SASH1: variants seen among roughly 807,000 people sequenced by gnomAD.
SASH1 encodes SAM and SH3 domain-containing protein 1.
SASH1 carries 44 observed loss-of-function variants against 125.2 expected under a neutral mutation model. The ratio of observed to expected loss-of-function variants is 0.35; its 90% CI spans 0.28 to 0.45. The LOEUF (loss-of-function observed/expected upper bound fraction) is 0.45, where lower values mean the gene tolerates loss of function less well. Among genes scored for constraint, SASH1 ranks in the 20% least tolerant of loss-of-function variants. SASH1 has a pLI of 1.00. For synonymous variants in SASH1, 639 were observed against 649.1 expected, an observed-to-expected ratio of 0.98 and a Z score of 0.24; for missense variants, 1,426 against 1,614.5, an observed-to-expected ratio of 0.88 and a Z score of 2.00.
chr6:148,259,014 TTA>T, the SASH1 span, among the ~76,000 whole-genome samples: 1 of 152,226 alleles, frequency 6.6e-6, no homozygotes, highest in Non-Finnish European at 1.5e-5. Flanking sequence ...CATTTCATGG[TTA>T]CCATGTTCCA....
chr6:148,254,298 A>G, the SASH1 span, among the ~76,000 whole-genome samples: 1 of 152,224 alleles, frequency 6.6e-6, no homozygotes, highest in African/African-American at 2.4e-5. Context: ...AACTGGAGCT[A>G]GAATATACAA....
chr6:148,195,595 C>G, the SASH1 span, among the ~76,000 whole-genome samples: 1 of 152,214 alleles, frequency 6.6e-6, no homozygotes, highest in Non-Finnish European at 1.5e-5. Flanking sequence ...TCTTTCACCC[C>G]GGCTCCAGCA....
chr6:148,390,317 C>CT (rs1420356628), intron 2 of SASH1, 55 bp downstream of exon 2: 1 of 1,564,644 alleles, frequency 6.4e-7, no homozygotes, highest in Non-Finnish European at 8.7e-7. Flanking sequence ...CCAATTTGGG[C>CT]TTTTCCTTGG....
the SASH1 span, among the ~76,000 whole-genome samples, chr6:148,228,092 TA>T: frequency 6.6e-6 from 1 of 152,194 alleles, no homozygotes. Flanking sequence ...CTCTAACCTC[TA>T]AACATACAAT....
chr6:148,410,303 G>A (rs951451645), intron 2 of SASH1, among the ~76,000 whole-genome samples: 1 of 151,676 alleles, frequency 6.6e-6, no homozygotes, highest in Non-Finnish European at 1.5e-5. Context: ...TAGAGACGGG[G>A]TTTCACCATG....
At chr6:148,513,068 T>C (rs1780240925) in intron 8 of SASH1, 1 of 985,340 alleles carries the variant, frequency 1.0e-6, no homozygotes. Context: ...GCCTAAATAA[T>C]GCATAGAAAC....
At chr6:148,481,338 G>A (rs917355449) in intron 7 of SASH1, among the ~76,000 whole-genome samples, 1 of 152,046 alleles carries the variant, frequency 6.6e-6, no homozygotes, top group Non-Finnish European at 1.5e-5. Flanking sequence ...CAGCAATAAG[G>A]CTGTTCCATT....
At chr6:148,361,908 CTTTTTCTTTTTT>C (rs1188632642) in intron 1 of SASH1, among the ~76,000 whole-genome samples, 4 of 135,008 alleles carry the variant, frequency 3.0e-5, no homozygotes, top group African/African-American at 5.7e-5. Flanking sequence ...TTTTCTTTTT[CTTTTTCTTTTTT>C]TTTTTTTTTT....
At chr6:148,321,743 C>G (rs76085626) in intron 1 of SASH1, among the ~76,000 whole-genome samples, 2 of 152,122 alleles carry the variant, frequency 1.3e-5, no homozygotes, top group Admixed American at 1.3e-4. Flanking sequence ...TGAAATCCAT[C>G]GAAGATGGTC....
At chr6:148,493,515 G>A (rs985382530) in intron 8 of SASH1, among the ~76,000 whole-genome samples, 3 of 152,150 alleles carry the variant, frequency 2.0e-5, no homozygotes, top group South Asian at 2.1e-4. Flanking sequence ...CCACTGGCTC[G>A]AATCAGGAAT....
At chr6:148,354,680 G>A (rs925186637) in intron 1 of SASH1, among the ~76,000 whole-genome samples, 10 of 152,120 alleles carry the variant, frequency 6.6e-5, no homozygotes, top group East Asian at 3.9e-4. Flanking sequence ...ACATTTCAGC[G>A]TGAATATGGC....
At chr6:148,511,280 G>A (rs1780109012) in intron 8 of SASH1, among the ~76,000 whole-genome samples, 1 of 148,348 alleles carries the variant, frequency 6.7e-6, no homozygotes, top group South Asian at 2.2e-4. Flanking sequence ...ATAGGTTGTT[G>A]AACTCAAGTA....
At chr6:148,487,092 T>TACACACACACACACAC (rs1186673454) in intron 7 of SASH1, among the ~76,000 whole-genome samples, 18 of 118,718 alleles carry the variant, frequency 1.5e-4, no homozygotes, top group African/African-American at 5.7e-4. Context: ...CACATATATA[T>TACACACACACACACAC]ACACACACAC....
At position 148,543,979 on chromosome 6, in the gene SASH1, T is replaced by C. The variant is rs760553368; in HGVS notation, c.2509T>C (p.Ser837Pro). ...GPQTVDTWPR[S>P]HSLDDLQVEP... ...CCAGACTGTGGACACTTGGCCCCGA[T>C]CCCATTCCCTGGATGACCTTCAAGT... The change falls in exon 18 of 20, where the codon TCC becomes CCC. Residue 837 changes from serine (S) to proline (P), a missense_variant. This residue lies in a region of SASH1 where 634 missense variants were observed against 694.4 expected (regional missense o/e 0.91). Transcript: ENST00000367467. 3 of 1,614,026 alleles carry C rather than the reference T, an allele frequency of 1.9e-6. No individual in the cohort carries two copies. In the South Asian group the frequency reaches 3.3e-5, roughly 18 times the overall value.
chr6:148,226,328 T>C, the SASH1 span, among the ~76,000 whole-genome samples: 1 of 152,234 alleles, frequency 6.6e-6, no homozygotes, highest in South Asian at 2.1e-4. Flanking sequence ...TTGTTTTCAA[T>C]CCTGATTTTT....
At chr6:148,261,219 G>C in the SASH1 span, among the ~76,000 whole-genome samples, 1 of 152,174 alleles carries the variant, frequency 6.6e-6, no homozygotes, top group African/African-American at 2.4e-5. Context: ...TCCCTAGATA[G>C]AATAGTCAAC....
At position 148,383,617 on chromosome 6, in the gene SASH1, C is replaced by T. The variant is rs1395330760; in HGVS notation, c.157-6517C>T. On this transcript the variant is annotated intron_variant, in intron 1 of 19. Transcript: ENST00000367467. ...ATCACATTGTATCTCCTGATGTTTT[C>T]AGATGCTTTTTTTTCTTTTTATTTT... Among the ~76,000 whole-genome samples the T allele has an allele frequency of 2.0e-5, 3 of 152,250 alleles. No individual in the cohort carries two copies. In the South Asian group the frequency reaches 6.2e-4, roughly 32 times the overall value.
At chr6:148,209,569 T>G in the SASH1 span, among the ~76,000 whole-genome samples, 152 of 152,344 alleles carry the variant, frequency 1.0e-3, no homozygotes, top group African/African-American at 3.5e-3. Context: ...GTGAGCAATT[T>G]ACACATCTTT....
rs564845876 is a variant in SASH1 at position 148,407,058 on chromosome 6, A to T, written c.285+16796A>T. Among the ~76,000 whole-genome samples, 7 of 152,090 alleles carry T rather than the reference A, an allele frequency of 4.6e-5. No homozygotes were observed. The East Asian group carries it at 1.3e-3, about 29-fold the overall frequency. On this transcript the variant is annotated intron_variant, in intron 2 of 19. Transcript: ENST00000367467. The stretch of plus-strand genomic sequence containing the variant: ...GTATTATTTTAGTTTTTTAAAAAAA[A>T]TTATTTTAAAAAATTATAGTAAAAT...
Sources: gnomAD v4.1 joint callset for allele counts (sites outside exome capture counted in the v4.1 genomes callset) on GRCh38, gnomAD v4.1.1 for gene constraint, gnomAD v4.1.1 regional missense constraint, MANE v1.5 for transcripts, NCBI Gene and HGNC (gene_info 2026-07-23, HGNC 2026-07-21) for gene names.